The following PHACTR3 variants were observed in gnomAD, a reference collection of about 807,000 sequenced individuals.
PHACTR3 encodes the protein phosphatase and actin regulator 3, also known as protein phosphatase 1, regulatory subunit 123.
Under a neutral mutation model 66.8 loss-of-function variants are expected in PHACTR3, and 16 were observed. That is an observed-to-expected ratio of 0.24 (90% CI 0.16 to 0.36). The LOEUF (loss-of-function observed/expected upper bound fraction) is 0.36, where lower values mean the gene tolerates loss of function less well. Among genes scored for constraint, PHACTR3 ranks in the 10% least tolerant of loss-of-function variants. The pLI, the probability that PHACTR3 is intolerant of heterozygous loss-of-function variation, is 1.00. For synonymous variants in PHACTR3, 323 were observed against 292.1 expected (o/e 1.11, Z -1.08); for missense variants, 647 against 719.9 (o/e 0.90, Z 1.16).
At chr20:59,682,527 C>T (rs747353042) in intron 1 of PHACTR3, among the ~76,000 whole-genome samples, 1 of 152,042 alleles carries the variant, frequency 6.6e-6, no homozygotes, top group African/African-American at 2.4e-5. Context: ...AGTAGGGGAT[C>T]GTCCTGCATG....
intron 1 of PHACTR3, among the ~76,000 whole-genome samples, chr20:59,617,216 C>T (rs2034058340): frequency 6.6e-6 from 1 of 152,136 alleles, no homozygotes; most frequent in Non-Finnish European, 1.5e-5. Flanking sequence ...TGACGTCTAG[C>T]ACCCCTCCTC....
chr20:59,670,229 C>T (rs1356277186), intron 1 of PHACTR3, among the ~76,000 whole-genome samples: 1 of 152,170 alleles, frequency 6.6e-6, no homozygotes, highest in East Asian at 1.9e-4. Flanking sequence ...ATGGAGCTGC[C>T]TACAGGGAAG....
chr20:59,834,163 A>T (rs564008439), intron 8 of PHACTR3, among the ~76,000 whole-genome samples: 44 of 152,144 alleles, frequency 2.9e-4, no homozygotes, highest in Non-Finnish European at 5.1e-4. Flanking sequence ...TCATGGGTAA[A>T]AGACTCATGG....
intron 3 of PHACTR3, among the ~76,000 whole-genome samples, chr20:59,750,512 G>A (rs2426827): frequency 7.9e-5 from 12 of 152,276 alleles, no homozygotes; most frequent in Non-Finnish European, 1.8e-4. Flanking sequence ...CGCGGTGGAA[G>A]GGACCTTGAG....
At chr20:59,775,878 A>G (rs1010024144) in intron 7 of PHACTR3, among the ~76,000 whole-genome samples, 6 of 152,220 alleles carry the variant, frequency 3.9e-5, no homozygotes, top group Non-Finnish European at 2.9e-5. Context: ...GCAAGAGGCC[A>G]GGCGATTCTC....
chr20:59,637,743 C>A (rs1377661453), intron 1 of PHACTR3, among the ~76,000 whole-genome samples: 1 of 148,756 alleles, frequency 6.7e-6, no homozygotes, highest in Non-Finnish European at 1.5e-5. Context: ...AGGAGTAATT[C>A]TTTTGGCAAA....
intron 1 of PHACTR3, among the ~76,000 whole-genome samples, chr20:59,737,502 CTG>C (rs1194014265): frequency 6.8e-6 from 1 of 147,674 alleles, no homozygotes; most frequent in African/African-American, 2.4e-5. Flanking sequence ...GTGTGTGTGT[CTG>C]TGTGCGTGCA....
intron 6 of PHACTR3, among the ~76,000 whole-genome samples, chr20:59,773,712 C>T (rs1228445339): frequency 6.6e-6 from 1 of 152,324 alleles, no homozygotes; most frequent in East Asian, 1.9e-4. Context: ...GTGCGTGAGC[C>T]CCTCAGGACC....
intron 8 of PHACTR3, among the ~76,000 whole-genome samples, chr20:59,807,275 T>C (rs1371856282): frequency 6.6e-6 from 1 of 152,242 alleles, no homozygotes; most frequent in African/African-American, 2.4e-5. Flanking sequence ...ATTTTTCAAT[T>C]TTTTAACTTT....
chr20:59,690,111 A>G (rs2037055403), intron 1 of PHACTR3, among the ~76,000 whole-genome samples: 1 of 152,106 alleles, frequency 6.6e-6, no homozygotes, highest in African/African-American at 2.4e-5. Context: ...ACAAAACAAA[A>G]CAAAACACCC....
At chr20:59,828,030 C>T (rs1216503599) in intron 8 of PHACTR3, among the ~76,000 whole-genome samples, 2 of 152,182 alleles carry the variant, frequency 1.3e-5, no homozygotes, top group African/African-American at 4.8e-5. Context: ...TGGGGCACTC[C>T]CTTAGCAATG....
rs370400266 is a variant in PHACTR3, at chr20:59,774,146, C to T, written c.927-97C>T. The T allele has an allele frequency of 5.3e-5, 78 of 1,462,382 alleles. No individual in the cohort carries two copies. The East Asian group carries it at 1.3e-3, about 25-fold the overall frequency. The allele number at this position is 1,462,382 out of a possible 1,614,324, so 90.6% of individuals were successfully genotyped here. A position where few individuals can be genotyped will look rare whatever the true frequency, so the allele number is the denominator to read the frequency against. On this transcript the variant is annotated intron_variant, in intron 6 of 12. Coordinates refer to ENST00000371015, the MANE Select transcript of PHACTR3 (RefSeq NM_080672.5). ...CCAAGAGGTCACATGCATTTTGGGG[C>T]TGCCTCTGTGATATTCATTATAAGC...
At chr20:59,713,370 A>T (rs6100562) in intron 1 of PHACTR3, among the ~76,000 whole-genome samples, 7,779 of 152,246 alleles carry the variant, frequency 0.051, 628 homozygotes, top group African/African-American at 0.18. Flanking sequence ...AATTTATTGA[A>T]TATGACCCTC....
In PHACTR3 at chr20:59,774,574, T is replaced by C. The variant is rs2040462688; in HGVS notation, c.1174+84T>C. 2.7e-6 allele frequency: 4 copies of C among 1,507,280 alleles called. No individual in the cohort carries two copies. In the South Asian group the frequency reaches 5.4e-5, roughly 20 times the overall value. The allele number at this position is 1,507,280 out of a possible 1,614,324, so 93.4% of individuals were successfully genotyped here. The stretch of plus-strand genomic sequence containing the variant: ...GGGGGTCGAGGACAGAGCTCGTGCC[T>C]GGGGGAGGAACAGGTCGAGGGGCTG... On this transcript the variant is annotated intron_variant, in intron 7 of 12. Coordinates refer to ENST00000371015, the MANE Select transcript of PHACTR3 (RefSeq NM_080672.5).
At chr20:59,622,740 G>A (rs1235693866) in intron 1 of PHACTR3, among the ~76,000 whole-genome samples, 2 of 151,736 alleles carry the variant, frequency 1.3e-5, no homozygotes, top group Admixed American at 6.6e-5. Context: ...GACCTGAGCC[G>A]GGCACCAGCT....
At chr20:59,647,715 A>G (rs530294919) in intron 1 of PHACTR3, among the ~76,000 whole-genome samples, 1 of 152,310 alleles carries the variant, frequency 6.6e-6, no homozygotes, top group East Asian at 1.9e-4. Context: ...CACACCCTGT[A>G]CAAACTCATC....
chr20:59,583,757 G>A (rs1020633120), intron 1 of PHACTR3, among the ~76,000 whole-genome samples: 15 of 152,346 alleles, frequency 9.8e-5, no homozygotes, highest in East Asian at 7.7e-4. Context: ...TGGGAGGACC[G>A]GGGGTCTGGC....
intron 11 of PHACTR3, chr20:59,844,424 G>A (rs974532649): frequency 1.3e-5 from 2 of 152,066 alleles, no homozygotes; most frequent in East Asian, 3.9e-4. Context: ...TCCATCAATA[G>A]ATTAATGGAT....
At chr20:59,843,557 C>G (rs1162588419) in intron 11 of PHACTR3, 4 of 152,024 alleles carry the variant, frequency 2.6e-5, no homozygotes, top group African/African-American at 4.8e-5. Context: ...TGATTTTTGA[C>G]AAAGGTGCCA....
Sources: allele counts gnomAD v4.1 joint callset (sites outside exome capture counted in the v4.1 genomes callset), GRCh38; gene constraint gnomAD v4.1.1; transcripts MANE v1.5; gene names NCBI Gene and HGNC (gene_info 2026-07-23, HGNC 2026-07-21).